Variants in THSD4 observed in about 807,000 individuals in gnomAD.
The protein encoded by THSD4 is thrombospondin type-1 domain-containing protein 4.
A neutral mutation model predicts 119.0 loss-of-function variants in THSD4; 69 were observed. The ratio of observed to expected loss-of-function variants is 0.58; its 90% CI spans 0.48 to 0.71. The LOEUF (loss-of-function observed/expected upper bound fraction) is 0.71. Ranked by LOEUF, THSD4 falls within the 30% of genes least tolerant of loss-of-function variation. The pLI is 0.00. For missense variants in THSD4, 1,393 were observed against 1,391.1 expected (o/e 1.00, Z -0.02); for synonymous variants, 524 against 540.4 (o/e 0.97, Z 0.42).
chr15:71,606,215 C>T (rs981578723), intron 7 of THSD4, among the ~76,000 whole-genome samples: 2 of 152,212 alleles, frequency 1.3e-5, no homozygotes, highest in African/African-American at 4.8e-5. Context: ...TGTTTTTCTG[C>T]TCTCCCTCTT....
chr15:71,571,669 C>T (rs1002405832), intron 7 of THSD4, among the ~76,000 whole-genome samples: 2 of 152,150 alleles, frequency 1.3e-5, no homozygotes, highest in African/African-American at 4.8e-5. Context: ...ATAGAGCAGC[C>T]AAATGAGATG....
chr15:71,608,249 T>TATATACAC lies in THSD4; in HGVS notation c.1153-52280_1153-52279insTATACACA, dbSNP rs772729777. ...AAAAAAAAAAAAAAATATATATATA[T>TATATACAC]ACACACACACACACACACACACACA... On this transcript the variant is annotated intron_variant, in intron 7 of 17. Transcript: ENST00000261862. Among the ~76,000 whole-genome samples the TATATACAC allele has an allele frequency of 6.4e-3, 678 of 106,210 alleles. 4 individuals carry two copies. Among genetic ancestry groups the TATATACAC allele is most frequent in the Middle Eastern group, 0.023 (4 of 174 alleles). The allele number at this position is 106,210 out of a possible 152,430, so 69.7% of individuals were successfully genotyped here.
intron 7 of THSD4, among the ~76,000 whole-genome samples, chr15:71,626,092 A>C (rs2050504469): frequency 6.6e-6 from 1 of 152,170 alleles, no homozygotes; most frequent in Admixed American, 6.5e-5. Context: ...AGTAATTCAT[A>C]ATGTTTGGTG....
intron 7 of THSD4, among the ~76,000 whole-genome samples, chr15:71,600,044 C>A (rs952190220): frequency 6.6e-6 from 1 of 152,210 alleles, no homozygotes; most frequent in Non-Finnish European, 1.5e-5. Flanking sequence ...ATTTCACTTT[C>A]CTTCCAAAGT....
intron 5 of THSD4, among the ~76,000 whole-genome samples, chr15:71,252,479 G>T (rs1383931931): frequency 1.3e-5 from 2 of 152,240 alleles, no homozygotes; most frequent in Admixed American, 1.3e-4. Context: ...GCAGCTCCCT[G>T]CTCCTTGTGG....
intron 7 of THSD4, among the ~76,000 whole-genome samples, chr15:71,457,047 G>A (rs74735810): frequency 0.031 from 4,694 of 152,148 alleles, 110 homozygotes; most frequent in African/African-American, 0.05. Flanking sequence ...CATTAAACAA[G>A]GATAAAGTCC....
intron 7 of THSD4, among the ~76,000 whole-genome samples, chr15:71,423,343 A>G (rs1378713951): frequency 6.6e-6 from 1 of 152,206 alleles, no homozygotes; most frequent in African/African-American, 2.4e-5. Context: ...CCCAAGGCCC[A>G]TGACATGTAC....
chr15:71,591,378 G>C (rs1046153977), intron 7 of THSD4, among the ~76,000 whole-genome samples: 1 of 152,178 alleles, frequency 6.6e-6, no homozygotes, highest in African/African-American at 2.4e-5. Context: ...TCTGTTTTCT[G>C]TTTATGCATG....
At chr15:71,742,690 T>A (rs1442306734) in intron 11 of THSD4, among the ~76,000 whole-genome samples, 1 of 152,134 alleles carries the variant, frequency 6.6e-6, no homozygotes, top group Non-Finnish European at 1.5e-5. Context: ...GGTGGCCAGG[T>A]GCTGTCTCCC....
At chr15:71,764,672 A>G (rs750154206) in intron 15 of THSD4, among the ~76,000 whole-genome samples, 3 of 152,254 alleles carry the variant, frequency 2.0e-5, no homozygotes, top group Non-Finnish European at 4.4e-5. Flanking sequence ...GAGAGGTGCC[A>G]GAGTCTATGG....
At chr15:71,586,637 C>T (rs536792500) in intron 7 of THSD4, among the ~76,000 whole-genome samples, 1 of 152,170 alleles carries the variant, frequency 6.6e-6, no homozygotes, top group Non-Finnish European at 1.5e-5. Context: ...AAACTATCTG[C>T]TTTTAATCAT....
chr15:71,298,618 T>A (rs1259656039), intron 6 of THSD4, among the ~76,000 whole-genome samples: 2 of 146,664 alleles, frequency 1.4e-5, no homozygotes, highest in African/African-American at 5.1e-5. Flanking sequence ...CTTTTTTTTT[T>A]TTTTTTTTTT....
At chr15:71,757,719 GAC>G (rs2053566296) in intron 14 of THSD4, among the ~76,000 whole-genome samples, 181 bp from the exon 15 acceptor site, 1 of 152,204 alleles carries the variant, frequency 6.6e-6, no homozygotes, top group South Asian at 2.1e-4. Context: ...GAAAATCTAA[GAC>G]AGAGAATTGC....
chr15:71,443,039 T>G (rs1026511167), intron 7 of THSD4, among the ~76,000 whole-genome samples: 14 of 151,940 alleles, frequency 9.2e-5, no homozygotes, highest in Non-Finnish European at 2.9e-5. Flanking sequence ...GAAAGAATTA[T>G]GAATACACTA....
rs753137845 is a variant in THSD4 at position 71,215,015 on chromosome 15, A to G, written c.100-20A>G. The stretch of plus-strand genomic sequence containing the variant: ...AGAGGAGCGGTGTTCTGGTCCCCTA[A>G]CCTGCCTCTGTCTCCGCAGGTCCCG... On this transcript the variant is annotated intron_variant, in intron 3 of 17. Transcript: ENST00000261862. The G allele has an allele frequency of 5.6e-6, 7 of 1,246,736 alleles. No individual in the cohort carries two copies. The highest frequency in any genetic ancestry group is 2.0e-6 in the Non-Finnish European group (2 of 988,716). 77.2% of individuals were successfully genotyped at this position (1,246,736 alleles called of 1,614,324 possible). A position where few individuals can be genotyped will look rare whatever the true frequency, so the allele number is the denominator to read the frequency against.
intron 7 of THSD4, among the ~76,000 whole-genome samples, chr15:71,595,266 C>T (rs1436610756): frequency 6.6e-6 from 1 of 152,100 alleles, no homozygotes; most frequent in Non-Finnish European, 1.5e-5. Flanking sequence ...TGGCTGTGTC[C>T]CCATCCAAAT....
intron 5 of THSD4, among the ~76,000 whole-genome samples, chr15:71,243,794 T>C (rs2044175335): frequency 6.9e-6 from 1 of 145,852 alleles, no homozygotes; most frequent in African/African-American, 2.6e-5. Flanking sequence ...TTTTTTTTTT[T>C]TTTTTTTTGA....
chr15:71,776,877 T>G (rs962735139), intron 17 of THSD4, among the ~76,000 whole-genome samples: 2 of 152,210 alleles, frequency 1.3e-5, no homozygotes, highest in Non-Finnish European at 2.9e-5. Context: ...TATGTTTAAA[T>G]GTCACAGAGT....
At chr15:71,293,109 A>G (rs1022387524) in intron 6 of THSD4, among the ~76,000 whole-genome samples, 2 of 152,210 alleles carry the variant, frequency 1.3e-5, no homozygotes, top group African/African-American at 4.8e-5. Flanking sequence ...CTTTTAGAGT[A>G]TATCCATATT....
Sources: allele counts gnomAD v4.1 joint callset (sites outside exome capture counted in the v4.1 genomes callset), GRCh38; gene constraint gnomAD v4.1.1; transcripts MANE v1.5; gene names NCBI Gene and HGNC (gene_info 2026-07-23, HGNC 2026-07-21).